Variants in PDE11A observed in about 807,000 individuals in gnomAD.
PDE11A encodes the protein dual 3',5'-cyclic-AMP and -GMP phosphodiesterase 11A.
In PDE11A, 100 loss-of-function variants were observed where a neutral mutation model predicts 100.5. The observed-to-expected ratio is 1.00, with a 90% CI of 0.85 to 1.18. The LOEUF (loss-of-function observed/expected upper bound fraction) is 1.18, where lower values mean the gene tolerates loss of function less well. Ranked by LOEUF, PDE11A falls within the 50% of genes most tolerant of loss-of-function variation. PDE11A has a pLI of 0.00. For missense variants in PDE11A, 1,141 were observed against 1,152.6 expected (o/e 0.99, Z 0.15); for synonymous variants, 381 against 420.8 (o/e 0.91, Z 1.16).
intron 18 of PDE11A, among the ~76,000 whole-genome samples, chr2:177,664,868 T>C (rs1298708247): frequency 6.6e-6 from 1 of 152,188 alleles, no homozygotes; most frequent in Non-Finnish European, 1.5e-5. Flanking sequence ...TCACATTATT[T>C]TGGTGTCCTT....
At chr2:177,749,910 A>G (rs549213074) in intron 10 of PDE11A, among the ~76,000 whole-genome samples, 1 of 152,308 alleles carries the variant, frequency 6.6e-6, no homozygotes, top group African/African-American at 2.4e-5. Context: ...ATGTAGGCTC[A>G]TATTAGGAAG....
chr2:177,698,852 C>G (rs746073581), intron 14 of PDE11A, among the ~76,000 whole-genome samples: 5 of 152,076 alleles, frequency 3.3e-5, no homozygotes, highest in Admixed American at 3.3e-4. Flanking sequence ...TGTGCATTAC[C>G]CAATGATCAA....
At chr2:177,751,649 G>C (rs2082028575) in intron 10 of PDE11A, among the ~76,000 whole-genome samples, 1 of 151,960 alleles carries the variant, frequency 6.6e-6, no homozygotes, top group Admixed American at 6.6e-5. Context: ...GAGTTTTACT[G>C]GAAGAGAAAA....
intron 6 of PDE11A, among the ~76,000 whole-genome samples, chr2:177,838,004 T>G (rs1446446834): frequency 6.6e-6 from 1 of 152,234 alleles, no homozygotes; most frequent in Admixed American, 6.5e-5. Flanking sequence ...CTCAGTTGAT[T>G]GAATTATTTT....
chr2:178,105,825 A>G, intron 1 of PDE11A: 2 of 556,392 alleles, frequency 3.6e-6, no homozygotes, highest in Non-Finnish European at 5.2e-6. Flanking sequence ...GACCTTGGCC[A>G]GATTTCTGCA....
At chr2:178,095,008 G>A (rs2087470285) in intron 2 of PDE11A, among the ~76,000 whole-genome samples, 1 of 152,184 alleles carries the variant, frequency 6.6e-6, no homozygotes, top group African/African-American at 2.4e-5. Flanking sequence ...TTCGAGATGA[G>A]ATTTGGGTGG....
intron 9 of PDE11A, among the ~76,000 whole-genome samples, chr2:177,791,564 G>A: frequency 6.6e-6 from 1 of 150,404 alleles, no homozygotes; most frequent in African/African-American, 2.4e-5. Flanking sequence ...AGTGTTTAAA[G>A]TCAGAGCAAA....
At chr2:177,826,651 A>G (rs1349114727) in intron 6 of PDE11A, among the ~76,000 whole-genome samples, 1 of 152,230 alleles carries the variant, frequency 6.6e-6, no homozygotes, top group African/African-American at 2.4e-5. Context: ...CATTTTCTCC[A>G]CTGCCCATGC....
intron 2 of PDE11A, among the ~76,000 whole-genome samples, chr2:178,008,420 A>T (rs1176524558): frequency 1.3e-5 from 2 of 152,138 alleles, no homozygotes; most frequent in Non-Finnish European, 2.9e-5. Flanking sequence ...TTTTTAAAAA[A>T]ATCAGTTCTA....
chr2:177,891,200 G>C (rs1479555107), intron 4 of PDE11A, among the ~76,000 whole-genome samples: 1 of 152,136 alleles, frequency 6.6e-6, no homozygotes, highest in African/African-American at 2.4e-5. Context: ...TGGGGCAAGA[G>C]AATTGCTTGA....
upstream of PDE11A, among the ~76,000 whole-genome samples, chr2:178,075,050 T>C (rs938323038): frequency 4.6e-5 from 7 of 152,126 alleles, no homozygotes; most frequent in African/African-American, 1.4e-4. Context: ...CAAATTAAAT[T>C]CCAAGAAGGT....
At chr2:177,868,608 A>G (rs1000274290) in intron 5 of PDE11A, among the ~76,000 whole-genome samples, 1 of 152,206 alleles carries the variant, frequency 6.6e-6, no homozygotes, top group African/African-American at 2.4e-5. Flanking sequence ...CACTCTTCTG[A>G]ATCAATTCTC....
At chr2:177,804,749 TA>T (rs1328052394) in intron 9 of PDE11A, among the ~76,000 whole-genome samples, 3 of 151,834 alleles carry the variant, frequency 2.0e-5, no homozygotes, top group South Asian at 2.1e-4. Flanking sequence ...TATTCTGCCA[TA>T]AAAAAGAATG....
intron 9 of PDE11A, among the ~76,000 whole-genome samples, chr2:177,787,234 C>G (rs1177026121): frequency 6.7e-6 from 1 of 148,674 alleles, no homozygotes; most frequent in Non-Finnish European, 1.5e-5. Flanking sequence ...GGCCAATATT[C>G]AACATTCTTA....
At chr2:177,947,969 C>A (rs1233371235) in intron 2 of PDE11A, among the ~76,000 whole-genome samples, 2 of 151,848 alleles carry the variant, frequency 1.3e-5, no homozygotes, top group Non-Finnish European at 2.9e-5. Flanking sequence ...TCTTTTGTTT[C>A]CTTCATATAT....
At chr2:177,807,225 CT>C (rs1320117168) in intron 9 of PDE11A, among the ~76,000 whole-genome samples, 1 of 152,098 alleles carries the variant, frequency 6.6e-6, no homozygotes, top group East Asian at 1.9e-4. Flanking sequence ...AGAGTTTTCA[CT>C]AGTAACAACG....
At chr2:177,781,728 C>T (rs998397431) in intron 9 of PDE11A, among the ~76,000 whole-genome samples, 2 of 152,316 alleles carry the variant, frequency 1.3e-5, no homozygotes, top group South Asian at 4.1e-4. Context: ...TCTTGAACTT[C>T]TGACCTCAGG....
At chr2:177,795,130 A>G (rs968607511) in intron 9 of PDE11A, among the ~76,000 whole-genome samples, 2 of 152,150 alleles carry the variant, frequency 1.3e-5, no homozygotes, top group Admixed American at 1.3e-4. Flanking sequence ...TTCTTATTTC[A>G]TTCTACGGGA....
chr2:178,030,170 A>G (rs528526705), intron 1 of PDE11A, among the ~76,000 whole-genome samples: 18 of 152,326 alleles, frequency 1.2e-4, no homozygotes, highest in African/African-American at 4.1e-4. Context: ...GAGAAAAAAA[A>G]GAGAGAGGCC....
Sources: gnomAD v4.1 joint callset for allele counts (sites outside exome capture counted in the v4.1 genomes callset) on GRCh38, gnomAD v4.1.1 for gene constraint, MANE v1.5 for transcripts, NCBI Gene and HGNC (gene_info 2026-07-23, HGNC 2026-07-21) for gene names.